FHIP1A: variants seen among roughly 807,000 people sequenced by gnomAD.
FHIP1A encodes the protein FHF complex subunit HOOK-interacting protein 1A.
FHIP1A carries 61 observed loss-of-function variants against 88.6 expected under a neutral mutation model. The ratio of observed to expected loss-of-function variants is 0.69; its 90% confidence interval spans 0.56 to 0.85. The LOEUF (loss-of-function observed/expected upper bound fraction) is 0.85, where lower values mean the gene tolerates loss of function less well. Ranked by LOEUF, FHIP1A falls within the 40% of genes least tolerant of loss-of-function variation. The pLI is 0.00. For missense variants in FHIP1A, 1,154 were observed against 1,273.5 expected, an observed-to-expected ratio of 0.91 and a Z score of 1.43; for synonymous variants, 478 against 496.0, an observed-to-expected ratio of 0.96 and a Z score of 0.48.
At chr4:151,414,037 A>T (rs538465333) in intron 1 of FHIP1A, among the ~76,000 whole-genome samples, 5 of 132,214 alleles carry the variant, frequency 3.8e-5, no homozygotes, top group African/African-American at 8.2e-5. Context: ...TTTGCCTTCT[A>T]TCTAGTTAGT....
chr4:151,573,717 A>G (rs6816471), intron 4 of FHIP1A, among the ~76,000 whole-genome samples: 43,224 of 151,666 alleles, frequency 0.28, 6,394 homozygotes, highest in Non-Finnish European at 0.33. Context: ...AGCAGCATGA[A>G]ATCGTGGCAT....
intron 9 of FHIP1A, among the ~76,000 whole-genome samples, chr4:151,644,679 A>G (rs746037700): frequency 6.6e-6 from 1 of 152,168 alleles, no homozygotes; most frequent in Non-Finnish European, 1.5e-5. Flanking sequence ...AAATATATGC[A>G]TGAACAAATC....
chr4:151,607,904 C>A (rs1399004026), intron 7 of FHIP1A, among the ~76,000 whole-genome samples: 2 of 151,998 alleles, frequency 1.3e-5, no homozygotes, highest in Non-Finnish European at 2.9e-5. Flanking sequence ...AAATTTTATA[C>A]CATTTTTGGT....
At chr4:151,622,698 T>G (rs182812003) in intron 7 of FHIP1A, among the ~76,000 whole-genome samples, 16 of 151,974 alleles carry the variant, frequency 1.1e-4, no homozygotes, top group Non-Finnish European at 1.9e-4. Context: ...GAAGTTTGAA[T>G]CAAAAAAGGA....
At chr4:151,564,869 A>G (rs986369175) in intron 3 of FHIP1A, among the ~76,000 whole-genome samples, 18 of 152,086 alleles carry the variant, frequency 1.2e-4, no homozygotes, top group Non-Finnish European at 2.4e-4. Context: ...TTCATGTCGA[A>G]TGGTTGCCCT....
intron 1 of FHIP1A, among the ~76,000 whole-genome samples, chr4:151,418,993 C>G (rs1017419511): frequency 1.3e-5 from 2 of 152,084 alleles, no homozygotes; most frequent in African/African-American, 4.8e-5. Context: ...CTATCATGGT[C>G]TCTGTTGCCT....
At chr4:151,597,692 C>T (rs1410618401) in intron 7 of FHIP1A, among the ~76,000 whole-genome samples, 1 of 152,196 alleles carries the variant, frequency 6.6e-6, no homozygotes, top group African/African-American at 2.4e-5. Context: ...AAGCCCCTGA[C>T]TGGGGCTGCT....
At chr4:151,473,239 A>G (rs1729588433) in intron 2 of FHIP1A, among the ~76,000 whole-genome samples, 1 of 152,172 alleles carries the variant, frequency 6.6e-6, no homozygotes, top group Non-Finnish European at 1.5e-5. Context: ...ATGAAATAGT[A>G]TTATGCAAGA....
Position 151,666,797 on chromosome 4 carries a change from C to A in FHIP1A, c.*4043C>A, listed in dbSNP as rs916370939. ...CACAGCCGCAGCAGTCTGGACAAAT[C>A]AAGTGCTTTAACGATGGCATCGTCC... On this transcript the variant is annotated 3_prime_UTR_variant, in exon 14 of 14. Transcript: ENST00000435205. Among the ~76,000 whole-genome samples the A allele has an allele frequency of 6.6e-6, 1 of 152,204 alleles. No individual in the cohort carries two copies. Among genetic ancestry groups the A allele is most frequent in the African/African-American group, 2.4e-5 (1 of 41,448 alleles).
intron 3 of FHIP1A, among the ~76,000 whole-genome samples, chr4:151,534,308 A>C (rs1467409958): frequency 1.3e-5 from 2 of 152,254 alleles, no homozygotes; most frequent in African/African-American, 2.4e-5. Flanking sequence ...TAGAAACACT[A>C]ATAGTAAACA....
At chr4:151,646,404 A>C (rs1736793324) in intron 9 of FHIP1A, among the ~76,000 whole-genome samples, 154 bp from the exon 10 acceptor site, 1 of 152,216 alleles carries the variant, frequency 6.6e-6, no homozygotes, top group Non-Finnish European at 1.5e-5. Flanking sequence ...TAAGCTAAGG[A>C]GTGAACCCTG....
In FHIP1A at chr4:151,662,970, T is replaced by G; in HGVS notation, c.*216T>G. On this transcript the variant is annotated 3_prime_UTR_variant, in exon 14 of 14. Coordinates refer to ENST00000435205, the MANE Select transcript of FHIP1A (RefSeq NM_001109977.3). ...ATAGAATGTAAGTCTCATAAGCTGGTTGCTCCCTTGGCAGTTTTCTTTGCT... is the reference window on the plus strand; with the variant it reads ...ATAGAATGTAAGTCTCATAAGCTGGGTGCTCCCTTGGCAGTTTTCTTTGCT... 2.3e-6 allele frequency: 1 copy of G among 440,718 alleles called. No homozygotes were observed. Among genetic ancestry groups the G allele is most frequent in the Admixed American group, 4.0e-5 (1 of 24,836 alleles). 27.3% of individuals were successfully genotyped at this position (440,718 alleles called of 1,614,324 possible). A position where few individuals can be genotyped will look rare whatever the true frequency, so the allele number is the denominator to read the frequency against.
At chr4:151,628,052 A>G (rs1736017311) in intron 7 of FHIP1A, among the ~76,000 whole-genome samples, 1 of 152,184 alleles carries the variant, frequency 6.6e-6, no homozygotes. Context: ...TTCCCAGTGC[A>G]ATTTATTTGT....
intron 2 of FHIP1A, among the ~76,000 whole-genome samples, chr4:151,471,496 A>G (rs928108126): frequency 2.0e-5 from 3 of 152,140 alleles, no homozygotes; most frequent in Non-Finnish European, 2.9e-5. Flanking sequence ...AAGAAAATTT[A>G]TATTCTAATT....
At chr4:151,637,634 G>A (rs1395904818) in intron 8 of FHIP1A, among the ~76,000 whole-genome samples, 1 of 152,196 alleles carries the variant, frequency 6.6e-6, no homozygotes, top group Non-Finnish European at 1.5e-5. Context: ...AGACAGAACA[G>A]AAAGGTTTCT....
chr4:151,662,900 C>A lies in FHIP1A; in HGVS notation c.*146C>A, dbSNP rs1213912577. On this transcript the variant is annotated 3_prime_UTR_variant, in exon 14 of 14. Coordinates refer to ENST00000435205, the MANE Select transcript of FHIP1A (RefSeq NM_001109977.3). ...TTGTGGGGAGGGGAATTTTCTGTAT[C>A]TTTCCTCTCTCTCTCTAGCCGGGCC... is the stretch of plus-strand genomic sequence containing the variant. 1.3e-6 allele frequency: 1 copy of A among 758,368 alleles called. No homozygotes were observed. Among genetic ancestry groups the A allele is most frequent in the Non-Finnish European group, 2.0e-6 (1 of 505,820 alleles). The allele number at this position is 758,368 out of a possible 1,614,324, so 47.0% of individuals were successfully genotyped here.
At chr4:151,510,708 C>T (rs2126677063) in intron 3 of FHIP1A, among the ~76,000 whole-genome samples, 1 of 152,272 alleles carries the variant, frequency 6.6e-6, no homozygotes, top group African/African-American at 2.4e-5. Context: ...TTTATCTTCT[C>T]ACTTTTACAT....
intron 3 of FHIP1A, among the ~76,000 whole-genome samples, chr4:151,510,491 T>C (rs980057767): frequency 2.0e-5 from 3 of 152,208 alleles, no homozygotes; most frequent in African/African-American, 7.2e-5. Flanking sequence ...TATGGAGAGT[T>C]CTTGTAGACC....
chr4:151,553,871 A>G (rs997957438), intron 3 of FHIP1A, among the ~76,000 whole-genome samples: 2 of 152,200 alleles, frequency 1.3e-5, no homozygotes, highest in Non-Finnish European at 1.5e-5. Flanking sequence ...TTCATTAGAG[A>G]CTGAACTGCA....
Sources: allele counts gnomAD v4.1 joint callset (sites outside exome capture counted in the v4.1 genomes callset), GRCh38; gene constraint gnomAD v4.1.1; transcripts MANE v1.5; gene names NCBI Gene and HGNC (gene_info 2026-07-23, HGNC 2026-07-21).